The following PRKCQ variants were observed in gnomAD, a reference collection of about 807,000 sequenced individuals.
PRKCQ encodes the protein protein kinase C theta.
A neutral mutation model predicts 91.2 loss-of-function variants in PRKCQ; 41 were observed. That is an observed-to-expected ratio of 0.45 (90% CI 0.35 to 0.58). The LOEUF (loss-of-function observed/expected upper bound fraction) is 0.58, where lower values mean the gene tolerates loss of function less well. Ranked by LOEUF, PRKCQ falls within the 20% of genes least tolerant of loss-of-function variation. The probability of loss-of-function intolerance (pLI) is 0.00; values close to 1 mark genes in which losing one functional copy is unlikely to be tolerated. For missense variants in PRKCQ, 673 were observed against 896.5 expected (o/e 0.75, Z 3.18); for synonymous variants, 307 against 316.9 (o/e 0.97, Z 0.33).
chr10:6,402,195 T>C, the PRKCQ span, among the ~76,000 whole-genome samples: 1 of 151,678 alleles, frequency 6.6e-6, no homozygotes, highest in Non-Finnish European at 1.5e-5. Flanking sequence ...CCGGGGCCTG[T>C]TGGGGGATTG....
intron 8 of PRKCQ, among the ~76,000 whole-genome samples, chr10:6,490,060 C>T (rs1197763438): frequency 2.0e-5 from 3 of 152,062 alleles, no homozygotes; most frequent in African/African-American, 4.8e-5. Flanking sequence ...TGTCTCTGAC[C>T]TCCTAATGAA....
intron 1 of PRKCQ, among the ~76,000 whole-genome samples, chr10:6,548,859 G>T (rs1258592129): frequency 6.6e-6 from 1 of 152,010 alleles, no homozygotes; most frequent in Non-Finnish European, 1.5e-5. Flanking sequence ...TGGTGCACAT[G>T]TACCCTAAAA....
the PRKCQ span, among the ~76,000 whole-genome samples, chr10:6,409,815 A>G: frequency 6.6e-6 from 1 of 152,354 alleles, no homozygotes; most frequent in South Asian, 2.1e-4. Context: ...GGAATGGGAA[A>G]AATAGCTAGA....
At chr10:6,490,757 A>T (rs1032163548) in intron 8 of PRKCQ, among the ~76,000 whole-genome samples, 2 of 152,038 alleles carry the variant, frequency 1.3e-5, no homozygotes, top group Non-Finnish European at 2.9e-5. Context: ...GTCTCAGAAA[A>T]AAAGTAAAAG....
chr10:6,573,470 C>T (rs1368797615), intron 1 of PRKCQ, among the ~76,000 whole-genome samples: 1 of 152,184 alleles, frequency 6.6e-6, no homozygotes, highest in African/African-American at 2.4e-5. Flanking sequence ...CCTGAACCTC[C>T]GAATCAGGAC....
the PRKCQ span, among the ~76,000 whole-genome samples, chr10:6,408,331 T>C: frequency 6.6e-6 from 1 of 152,124 alleles, no homozygotes; most frequent in Admixed American, 6.5e-5. Flanking sequence ...CAGGTTTGAT[T>C]GATGGATTTA....
At chr10:6,424,400 G>A (rs1264054213), downstream of PRKCQ, among the ~76,000 whole-genome samples, 4 of 152,272 alleles carry the variant, frequency 2.6e-5, no homozygotes, top group South Asian at 2.1e-4. Context: ...CGTGGTCAGC[G>A]TCTTCATACT....
chr10:6,441,824 G>C, intron 16 of PRKCQ, 69 bp downstream of exon 16: 1 of 1,460,814 alleles, frequency 6.8e-7, no homozygotes, highest in African/African-American at 1.4e-5. Flanking sequence ...TGGAAACTAA[G>C]AGGAACAGAA....
intron 16 of PRKCQ, among the ~76,000 whole-genome samples, chr10:6,434,300 C>A (rs1217496989): frequency 1.3e-5 from 2 of 152,130 alleles, no homozygotes; most frequent in African/African-American, 4.8e-5. Flanking sequence ...CTATTTCTTC[C>A]AGTGAACATG....
chr10:6,518,992 T>C (rs1401882201), intron 1 of PRKCQ, among the ~76,000 whole-genome samples: 1 of 152,230 alleles, frequency 6.6e-6, no homozygotes, highest in African/African-American at 2.4e-5. Flanking sequence ...TTAACAGATA[T>C]ACACACCTGT....
intron 12 of PRKCQ, among the ~76,000 whole-genome samples, chr10:6,466,934 T>A (rs1389390500): frequency 2.0e-5 from 3 of 152,148 alleles, no homozygotes; most frequent in Non-Finnish European, 4.4e-5. Flanking sequence ...TATTTATAAC[T>A]CTGGAGACGT....
At chr10:6,481,123 G>A (rs972189741) in intron 11 of PRKCQ, among the ~76,000 whole-genome samples, 2 of 152,150 alleles carry the variant, frequency 1.3e-5, no homozygotes, top group African/African-American at 4.8e-5. Context: ...AGGGACCCAG[G>A]GTCCTGATGA....
chr10:6,552,890 AAAAT>A (rs1840245983), intron 1 of PRKCQ, among the ~76,000 whole-genome samples: 2 of 38,686 alleles, frequency 5.2e-5, no homozygotes. Flanking sequence ...GAGAAAAATT[AAAAT>A]TTTTTTTTAA....
At chr10:6,514,882 TG>T in intron 2 of PRKCQ, 135 bp downstream of exon 2, 1 of 1,430,468 alleles carries the variant, frequency 7.0e-7, no homozygotes, top group South Asian at 1.2e-5. Context: ...TTGGCTTTGC[TG>T]GGCATCAGCG....
chr10:6,504,671 A>G (rs1838091686), intron 4 of PRKCQ, among the ~76,000 whole-genome samples: 1 of 152,204 alleles, frequency 6.6e-6, no homozygotes, highest in Non-Finnish European at 1.5e-5. Flanking sequence ...CCTGAGGAGA[A>G]GAACACGTTT....
intron 1 of PRKCQ, among the ~76,000 whole-genome samples, chr10:6,563,864 G>A (rs996072213): frequency 1.3e-5 from 2 of 152,202 alleles, no homozygotes; most frequent in South Asian, 4.1e-4. Context: ...AGGGAGGAAG[G>A]GTGTGTTAGT....
At chr10:6,466,773 C>T (rs1564323345) in intron 12 of PRKCQ, among the ~76,000 whole-genome samples, 1 of 152,262 alleles carries the variant, frequency 6.6e-6, no homozygotes, top group East Asian at 1.9e-4. Flanking sequence ...CTGACTAGAA[C>T]CTCTGCAGAA....
At chr10:6,525,125 T>C (rs889622978) in intron 1 of PRKCQ, among the ~76,000 whole-genome samples, 8 of 151,556 alleles carry the variant, frequency 5.3e-5, no homozygotes. Context: ...ACTTTTGAAA[T>C]GACTATGGAT....
intron 1 of PRKCQ, among the ~76,000 whole-genome samples, chr10:6,533,291 G>A (rs372414185): frequency 2.0e-5 from 3 of 152,110 alleles, no homozygotes; most frequent in South Asian, 4.1e-4. Context: ...ACCATCTCCC[G>A]AGTTCAAGCG....
Sources: gnomAD v4.1 joint callset for allele counts (sites outside exome capture counted in the v4.1 genomes callset) on GRCh38, gnomAD v4.1.1 for gene constraint, MANE v1.5 for transcripts, NCBI Gene and HGNC (gene_info 2026-07-23, HGNC 2026-07-21) for gene names.